Variants in KATNB1 observed in about 807,000 individuals in gnomAD.
KATNB1 encodes the protein katanin regulatory subunit B1.
A neutral mutation model predicts 82.3 loss-of-function variants in KATNB1; 38 were observed. The ratio of observed to expected loss-of-function variants is 0.46; its 90% CI spans 0.36 to 0.61. The LOEUF is 0.61. Ranked by LOEUF, KATNB1 falls within the 20% of genes least tolerant of loss-of-function variation. KATNB1 has a pLI of 0.00. For synonymous variants in KATNB1, 361 were observed against 368.7 expected, an observed-to-expected ratio of 0.98 and a Z score of 0.24; for missense variants, 749 against 915.7, an observed-to-expected ratio of 0.82 and a Z score of 2.35.
Position 57,744,564 on chromosome 16 carries a change from C to T in KATNB1, c.289+53C>T. 4 of 1,449,048 alleles carry T rather than the reference C, an allele frequency of 2.8e-6. No homozygotes were observed. In the South Asian group the frequency reaches 3.4e-5, roughly 12 times the overall value. 89.8% of individuals were successfully genotyped at this position (1,449,048 alleles called of 1,614,324 possible). ...ACGCACACCTGCCTTAGTCTTCAGG[C>T]TCTGCAGTTGTACTGCTTCCTCCAG... On this transcript the variant is annotated intron_variant, in intron 4 of 19. Coordinates refer to ENST00000379661, the MANE Select transcript of KATNB1 (RefSeq NM_005886.3).
intron 4 of KATNB1, 57 bp downstream of exon 4, chr16:57,744,568 G>C (rs2049168954): frequency 1.4e-6 from 2 of 1,407,686 alleles, no homozygotes; most frequent in Non-Finnish European, 2.0e-6. Context: ...TTCAGGCTCT[G>C]CAGTTGTACT....
chr16:57,744,134 C>A (rs2049164348), intron 3 of KATNB1, among the ~76,000 whole-genome samples: 1 of 152,202 alleles, frequency 6.6e-6, no homozygotes, highest in African/African-American at 2.4e-5. Flanking sequence ...CAGGTGACGC[C>A]CATGTCAGAA....
At position 57,753,080 on chromosome 16, in the gene KATNB1, G is replaced by A. The variant is rs1555584057; in HGVS notation, c.859G>A (p.Gly287Ser). 2 of 1,602,612 alleles carry A rather than the reference G, an allele frequency of 1.2e-6. No individual in the cohort carries two copies. The highest frequency in any genetic ancestry group is 1.7e-6 in the Non-Finnish European group (2 of 1,174,854). ...DLAICNDQLIGVAFSQSNVSS... is the reference protein window; with the variant it reads ...DLAICNDQLISVAFSQSNVSS... Reference sequence around the variant, plus strand: ...CCCACCTCTCCGCTTTCTGCAGATAGGTGTGGCCTTCTCCCAGAGCAACGT... The same window carrying A: ...CCCACCTCTCCGCTTTCTGCAGATAAGTGTGGCCTTCTCCCAGAGCAACGT... Residue 287 changes from glycine (G) to serine (S), a missense_variant, in exon 11 of 20, where the codon GGT becomes AGT. Physicochemically the swap from Gly to Ser is moderately conservative, Grantham distance 56 (BLOSUM62 0). Transcript: ENST00000379661.
chr16:57,753,609 A>G, intron 12 of KATNB1, 90 bp downstream of exon 12: 1 of 1,524,560 alleles, frequency 6.6e-7, no homozygotes, highest in Non-Finnish European at 8.9e-7. Context: ...GTGGCTCCGC[A>G]TCCCTTTAAC....
rs1555584258 is a variant in KATNB1, at chr16:57,753,251, T to A, written c.1030T>A (p.Cys344Ser). 1 of 1,600,706 alleles carries A rather than the reference T, an allele frequency of 6.2e-7. No homozygotes were observed. The highest frequency in any genetic ancestry group is 8.5e-7 in the Non-Finnish European group (1 of 1,173,116). Residue 344 changes from cysteine to serine, a missense_variant, in exon 11 of 20, where the codon TGC (cysteine) becomes AGC (serine). Physicochemically the swap from Cys to Ser is moderately radical, Grantham distance 112 (BLOSUM62 -1). Around this residue, in one of 3 missense-constraint regions of KATNB1, gnomAD observed 407 missense variants for 434.7 expected, o/e 0.94. Transcript: ENST00000379661. ...RRIYERPSTTCSKPQRVKQNS... is the reference protein window; with the variant it reads ...RRIYERPSTTSSKPQRVKQNS... ...CATCTATGAGCGGCCCAGCACAACC[T>A]GCAGCAAGCCTCAGAGGTGAGGGCC...
intron 2 of KATNB1, among the ~76,000 whole-genome samples, chr16:57,741,466 G>A (rs529041288): frequency 6.6e-6 from 1 of 152,342 alleles, no homozygotes; most frequent in African/African-American, 2.4e-5. Flanking sequence ...GGAAAGACAG[G>A]CATGATGAAA....
At chr16:57,739,155 A>C (rs747016631) in intron 2 of KATNB1, among the ~76,000 whole-genome samples, 2 of 152,156 alleles carry the variant, frequency 1.3e-5, no homozygotes, top group African/African-American at 4.8e-5. Flanking sequence ...GCCGTGCTTT[A>C]TCATAAAGGC....
chr16:57,756,330 G>A lies in KATNB1; in HGVS notation c.1719-26G>A, dbSNP rs1555586396. On this transcript the variant is annotated intron_variant, in intron 18 of 19. Coordinates refer to ENST00000379661, the MANE Select transcript of KATNB1 (RefSeq NM_005886.3). ...TCTGTCTGTGGCCCTTGGTCCATCT[G>A]TGACTTCATCCATCTCCCCCTAAAG... 6 of 1,594,330 alleles carry A rather than the reference G, an allele frequency of 3.8e-6. No individual in the cohort carries two copies. The South Asian group carries it at 4.4e-5, about 12-fold the overall frequency.
chr16:57,753,702 A>C (rs1273457825), intron 12 of KATNB1, among the ~76,000 whole-genome samples, 183 bp downstream of exon 12: 1 of 151,756 alleles, frequency 6.6e-6, no homozygotes, highest in Non-Finnish European at 1.5e-5. Flanking sequence ...TGGAACTGAG[A>C]GGGGGGCCTG....
chr16:57,743,241 C>G (rs1238409380), intron 3 of KATNB1, among the ~76,000 whole-genome samples: 1 of 152,062 alleles, frequency 6.6e-6, no homozygotes, highest in Non-Finnish European at 1.5e-5. Context: ...TGCAGTAAGC[C>G]GAGATGGTGC....
At chr16:57,744,032 C>G (rs151052188) in intron 3 of KATNB1, among the ~76,000 whole-genome samples, 6 of 152,182 alleles carry the variant, frequency 3.9e-5, no homozygotes, top group African/African-American at 1.4e-4. Context: ...GGGAACAGAG[C>G]GGGGGCAGGG....
At chr16:57,753,315 G>A (rs781855687) in intron 11 of KATNB1, 48 bp downstream of exon 11, 4 of 1,579,378 alleles carry the variant, frequency 2.5e-6, no homozygotes, top group South Asian at 2.3e-5. Context: ...GACTGTCACA[G>A]GGGAAGCCTC....
chr16:57,747,846 C>T (rs1250842474), intron 4 of KATNB1, among the ~76,000 whole-genome samples: 5 of 152,194 alleles, frequency 3.3e-5, no homozygotes, highest in Admixed American at 3.3e-4. Context: ...AATTGTTTTG[C>T]TCACAGGGGA....
rs782300636 is a variant in KATNB1 at position 57,755,403 on chromosome 16, G to A, written c.1475G>A (p.Arg492His). 1.7e-5 allele frequency: 28 copies of A among 1,613,162 alleles called. No individual in the cohort carries two copies. The highest frequency in any genetic ancestry group is 2.2e-5 in the East Asian group (1 of 44,900). ...LVDEDAMSQIRKGHDTMCVVL... is the reference protein window; with the variant it reads ...LVDEDAMSQIHKGHDTMCVVL... ...GACGAGGATGCCATGTCACAGATCC[G>A]CAAAGGCCACGACACCATGTGTGTG... is the stretch of plus-strand genomic sequence containing the variant. The change falls in exon 16 of 20, where the codon CGC (arginine) becomes CAC (histidine). Residue 492 changes from arginine (R) to histidine (H), a missense_variant. By Grantham distance (29) the Arg-to-His change is conservative. This residue lies in a region of KATNB1 where 407 missense variants were observed against 434.7 expected (regional missense o/e 0.94). Coordinates refer to ENST00000379661, the MANE Select transcript of KATNB1 (RefSeq NM_005886.3).
intron 16 of KATNB1, 94 bp downstream of exon 16, chr16:57,755,588 A>C: frequency 6.7e-7 from 1 of 1,498,198 alleles, no homozygotes; most frequent in Non-Finnish European, 9.1e-7. Flanking sequence ...GAGGCCACCC[A>C]TGGGGGACAG....
chr16:57,748,412 G>A (rs1267896970), intron 4 of KATNB1, among the ~76,000 whole-genome samples: 2 of 151,548 alleles, frequency 1.3e-5, no homozygotes, highest in Non-Finnish European at 2.9e-5. Flanking sequence ...GATCACTTGA[G>A]GCCATGAGTT....
In KATNB1 at chr16:57,751,266, G is replaced by A. The variant is rs1555583002; in HGVS notation, c.396G>A (p.Trp132Ter). 6.2e-7 allele frequency: 1 copy of A among 1,613,900 alleles called. No homozygotes were observed. Among genetic ancestry groups the A allele is most frequent in the Non-Finnish European group, 8.5e-7 (1 of 1,179,882 alleles). The change falls in exon 6 of 20, where the codon TGG becomes TGA. Residue 132 changes from tryptophan to a stop codon, truncating the protein, a stop_gained. Coordinates refer to ENST00000379661, the MANE Select transcript of KATNB1 (RefSeq NM_005886.3). LOFTEE classifies it high-confidence loss of function. The surrounding 1 kb of genome is among the most constrained non-coding windows in gnomAD (Gnocchi z 6.3). ...SGSQDTNIKLWDIRRKGCVFR... is the reference protein window; with the variant it reads ...SGSQDTNIKL ...TGCTTCTCTCTCCCCCACAGCTCTGGGACATCAGGAGGAAAGGCTGTGTCT... is the reference window on the plus strand; with the variant it reads ...TGCTTCTCTCTCCCCCACAGCTCTGAGACATCAGGAGGAAAGGCTGTGTCT...
At chr16:57,754,075 C>G in intron 13 of KATNB1, 80 bp downstream of exon 13, 1 of 1,232,088 alleles carries the variant, frequency 8.1e-7, no homozygotes, top group Non-Finnish European at 1.2e-6. Context: ...ACCCTCCCAA[C>G]AAGCCCCTTC....
At chr16:57,754,885 A>G (rs377745645) in intron 13 of KATNB1, 45 bp from the exon 14 acceptor site, 11 of 1,604,958 alleles carry the variant, frequency 6.9e-6, no homozygotes, top group Admixed American at 1.7e-5. Flanking sequence ...CCTTCTTGCC[A>G]GGCCCTTCTG....
Sources: gnomAD v4.1 joint callset for allele counts (sites outside exome capture counted in the v4.1 genomes callset) on GRCh38, gnomAD v4.1.1 for gene constraint, gnomAD v4.1.1 regional missense constraint, Gnocchi (gnomAD v3.1) non-coding constraint, MANE v1.5 for transcripts, NCBI Gene and HGNC (gene_info 2026-07-23, HGNC 2026-07-21) for gene names.